Variants in RAPGEF6 observed in about 807,000 individuals in gnomAD.
RAPGEF6 encodes PDZ domain containing guanine nucleotide exchange factor (GEF) 2.
RAPGEF6 carries 56 observed loss-of-function variants against 171.4 expected under a neutral mutation model. The observed-to-expected ratio is 0.33, with a 90% confidence interval of 0.26 to 0.41. RAPGEF6 has a LOEUF of 0.41. Among genes scored for constraint, RAPGEF6 ranks in the 10% least tolerant of loss-of-function variants. The pLI is 1.00. For missense variants in RAPGEF6, 1,674 were observed against 1,921.4 expected, an observed-to-expected ratio of 0.87 and a Z score of 2.41; for synonymous variants, 692 against 650.1, an observed-to-expected ratio of 1.06 and a Z score of -0.98.
chr5:131,571,712 A>G (rs1194966063), intron 4 of RAPGEF6, among the ~76,000 whole-genome samples: 1 of 152,168 alleles, frequency 6.6e-6, no homozygotes, highest in Non-Finnish European at 1.5e-5. Context: ...TAATTAACAA[A>G]CTGATGCTAG....
rs567577930 is a variant in RAPGEF6 at position 131,494,978 on chromosome 5, G to T, written c.1527+575C>A. ...GGTTTATAAGCCTGAGTAACTAAGA[G>T]ATAAGAATGTCAATACAGAAATGGA... On this transcript the variant is annotated intron_variant, in intron 13 of 27. Transcript: ENST00000509018. 7.9e-5 allele frequency among the ~76,000 whole-genome samples: 12 copies of T among 152,236 alleles called. No homozygotes were observed. The South Asian group carries it at 2.3e-3, about 29-fold the overall frequency.
Position 131,548,196 on chromosome 5 carries a change from A to G in RAPGEF6, c.352-6T>C. 2 of 1,613,272 alleles carry G rather than the reference A, an allele frequency of 1.2e-6. No homozygotes were observed. Among genetic ancestry groups the G allele is most frequent in the Non-Finnish European group, 1.7e-6 (2 of 1,179,498 alleles). ...TTATCTTTGGCATTCTCTACCTGAA[A>G]CACATGTTCATATTCCTGATGAAAT... On this transcript the variant is annotated splice_region_variant and splice_polypyrimidine_tract_variant and intron_variant, in intron 5 of 27. Transcript: ENST00000509018.
At chr5:131,595,484 A>T (rs550901238) in intron 3 of RAPGEF6, among the ~76,000 whole-genome samples, 45 of 152,208 alleles carry the variant, frequency 3.0e-4, no homozygotes, top group Non-Finnish European at 5.0e-4. Context: ...CAGAGACCAA[A>T]GTTAATTTGC....
chr5:131,574,628 C>T (rs557453227), intron 4 of RAPGEF6, among the ~76,000 whole-genome samples: 11 of 152,100 alleles, frequency 7.2e-5, no homozygotes, highest in Middle Eastern at 3.4e-3. Flanking sequence ...CTTATTAGGC[C>T]GAGACATTTT....
At chr5:131,481,599 C>G (rs147897601) in intron 15 of RAPGEF6, among the ~76,000 whole-genome samples, 1 of 152,306 alleles carries the variant, frequency 6.6e-6, no homozygotes, top group Non-Finnish European at 1.5e-5. Flanking sequence ...GGTGCAGGTA[C>G]ATTTGGGAAA....
chr5:131,533,212 A>ACACC (rs1347157434), intron 6 of RAPGEF6, among the ~76,000 whole-genome samples: 6 of 142,306 alleles, frequency 4.2e-5, no homozygotes, highest in East Asian at 2.1e-4. Context: ...ACACACACAC[A>ACACC]CCCCATCCTC....
intron 4 of RAPGEF6, among the ~76,000 whole-genome samples, chr5:131,580,830 C>G (rs1021142777): frequency 2.0e-5 from 3 of 152,148 alleles, no homozygotes; most frequent in Admixed American, 2.0e-4. Context: ...GCCTCTTCCA[C>G]CCACATGTGC....
chr5:131,532,838 A>G (rs1279972795), intron 6 of RAPGEF6: 2 of 152,604 alleles, frequency 1.3e-5, no homozygotes, highest in Admixed American at 1.3e-4. Context: ...TATCAGTAAA[A>G]CAGCACTGTT....
At chr5:131,516,579 G>C (rs1758098803) in intron 7 of RAPGEF6, among the ~76,000 whole-genome samples, 1 of 152,166 alleles carries the variant, frequency 6.6e-6, no homozygotes, top group Non-Finnish European at 1.5e-5. Flanking sequence ...ATAAATGTGT[G>C]TCTGGAGTTG....
chr5:131,528,272 ATAT>A (rs1322899014), intron 6 of RAPGEF6, among the ~76,000 whole-genome samples: 1 of 126,086 alleles, frequency 7.9e-6, no homozygotes, highest in East Asian at 2.0e-4. Context: ...TAATATATTT[ATAT>A]TATATATATA....
At chr5:131,516,673 A>C (rs1417573747) in intron 7 of RAPGEF6, among the ~76,000 whole-genome samples, 1 of 152,248 alleles carries the variant, frequency 6.6e-6, no homozygotes, top group East Asian at 1.9e-4. Flanking sequence ...GAAAAGACTG[A>C]AATAAATAGA....
chr5:131,627,978 T>C (rs996523884), intron 1 of RAPGEF6, among the ~76,000 whole-genome samples: 1 of 152,204 alleles, frequency 6.6e-6, no homozygotes, highest in African/African-American at 2.4e-5. Flanking sequence ...CTGATGTATG[T>C]GTTCCAACTG....
Position 131,498,582 on chromosome 5 carries a change from T to C in RAPGEF6, c.1280A>G (p.His427Arg). Reference protein sequence around the residue: ...IKATPERLIMHLIEEHSIVDP... With the variant: ...IKATPERLIMRLIEEHSIVDP... ...CACGATGGAATGTTCTTCTATTAAA[T>C]GCATTATGAGACGCTCAGGTGTTGC... The change falls in exon 12 of 28, where the codon CAT becomes CGT. Residue 427 changes from histidine to arginine, a missense_variant. By Grantham distance (29) the His-to-Arg change is conservative (BLOSUM62 0). Coordinates refer to ENST00000509018, the MANE Select transcript of RAPGEF6 (RefSeq NM_016340.6). 1 of 1,613,708 alleles carries C rather than the reference T, an allele frequency of 6.2e-7. No homozygotes were observed. Among genetic ancestry groups the C allele is most frequent in the Non-Finnish European group, 8.5e-7 (1 of 1,179,872 alleles).
rs899574215 is a variant in RAPGEF6 at position 131,567,013 on chromosome 5, G to C, written c.282-4966C>G. Among the ~76,000 whole-genome samples, 2 of 150,014 alleles carry C rather than the reference G, an allele frequency of 1.3e-5. 1 individual carries two copies. The highest frequency in any genetic ancestry group is 1.3e-4 in the Admixed American group (2 of 14,946). On this transcript the variant is annotated intron_variant, in intron 4 of 27. Coordinates refer to ENST00000509018, the MANE Select transcript of RAPGEF6 (RefSeq NM_016340.6). The stretch of plus-strand genomic sequence containing the variant: ...GGAGGCTGAGGCAGGAGAATCACTT[G>C]AACCCGGGAAGTGGAGTTTGCAGTG...
At chr5:131,543,284 G>A (rs1434588133) in intron 6 of RAPGEF6, among the ~76,000 whole-genome samples, 1 of 152,046 alleles carries the variant, frequency 6.6e-6, no homozygotes, top group Non-Finnish European at 1.5e-5. Flanking sequence ...TCAGAGAGAA[G>A]ATAAAAAATT....
intron 4 of RAPGEF6, among the ~76,000 whole-genome samples, chr5:131,592,145 C>T (rs774101279): frequency 1.1e-4 from 16 of 152,062 alleles, no homozygotes; most frequent in Admixed American, 2.6e-4. Context: ...TGTGAGCCAC[C>T]GTGCCCAGCC....
intron 4 of RAPGEF6, among the ~76,000 whole-genome samples, chr5:131,580,884 C>A (rs1762921091): frequency 6.6e-6 from 1 of 152,180 alleles, no homozygotes. Flanking sequence ...GTCTTCCTTA[C>A]CCCCAAAATC....
Position 131,424,412 on chromosome 5 carries a change from T to A in RAPGEF6, c.*2854A>T, listed in dbSNP as rs116412750. Reference sequence around the variant, plus strand: ...TAAGGTAATGCTGAAGGAATACATATACTTTAATATCACCTTTTTTAGAAA... The same window carrying A: ...TAAGGTAATGCTGAAGGAATACATAAACTTTAATATCACCTTTTTTAGAAA... On this transcript the variant is annotated 3_prime_UTR_variant, in exon 28 of 28. Transcript: ENST00000509018. 4.9e-3 allele frequency: 745 copies of A among 152,476 alleles called. 4 individuals carry two copies. The highest frequency in any genetic ancestry group is 0.016 in the African/African-American group (683 of 41,570). 9.4% of individuals were successfully genotyped at this position (152,476 alleles called of 1,614,324 possible).
chr5:131,455,393 G>T lies in RAPGEF6; in HGVS notation c.3076+408C>A, dbSNP rs570841805. On this transcript the variant is annotated intron_variant, in intron 20 of 27. Transcript: ENST00000509018. ...CCTGCCTCAGCCTCCCAAGTAGCTGGAACTACAGGCGGCCGCCACCACCCC... is the reference window on the plus strand; with the variant it reads ...CCTGCCTCAGCCTCCCAAGTAGCTGTAACTACAGGCGGCCGCCACCACCCC... Among the ~76,000 whole-genome samples the T allele has an allele frequency of 2.6e-5, 4 of 152,266 alleles. No homozygotes were observed. In the South Asian group the frequency reaches 6.2e-4, roughly 24 times the overall value.
Sources: gnomAD v4.1 joint callset for allele counts (sites outside exome capture counted in the v4.1 genomes callset) on GRCh38, gnomAD v4.1.1 for gene constraint, MANE v1.5 for transcripts, NCBI Gene and HGNC (gene_info 2026-07-23, HGNC 2026-07-21) for gene names.